Variants in TMC5 observed in about 807,000 individuals in gnomAD.
TMC5 encodes transmembrane channel like 5, also known as transmembrane channel-like protein 5.
TMC5 carries 86 observed loss-of-function variants against 110.5 expected under a neutral mutation model. That is an observed-to-expected ratio of 0.78 (90% CI 0.65 to 0.93). The LOEUF (loss-of-function observed/expected upper bound fraction) is 0.93. TMC5 is among the 40% of genes least tolerant of loss of function. The pLI is 0.00. For missense variants in TMC5, 1,144 were observed against 1,222.8 expected, an observed-to-expected ratio of 0.94 and a Z score of 0.96; for synonymous variants, 455 against 439.5, an observed-to-expected ratio of 1.04 and a Z score of -0.44.
chr16:19,472,923 T>C (rs535038354), intron 11 of TMC5, among the ~76,000 whole-genome samples: 31 of 152,146 alleles, frequency 2.0e-4, no homozygotes, highest in Admixed American at 9.2e-4. Context: ...GATAAATTCA[T>C]TGGAATCCCT....
intron 2 of TMC5, among the ~76,000 whole-genome samples, chr16:19,432,954 GAATA>G (rs1368696073): frequency 5.8e-5 from 6 of 103,930 alleles, no homozygotes; most frequent in Non-Finnish European, 8.7e-5. Flanking sequence ...ATGTAGATAT[GAATA>G]AATATATACA....
chr16:19,447,822 G>A (rs185648706), intron 4 of TMC5, among the ~76,000 whole-genome samples: 4 of 151,928 alleles, frequency 2.6e-5, no homozygotes, highest in Admixed American at 6.6e-5. Flanking sequence ...CCAAAGTGCC[G>A]AAATTACAGG....
At chr16:19,457,157 A>T in intron 5 of TMC5, 1 of 690,812 alleles carries the variant, frequency 1.4e-6, no homozygotes, top group South Asian at 2.0e-5. Flanking sequence ...TGGGAGGCCA[A>T]GATAAGAGGA....
In TMC5 at chr16:19,440,808, C is replaced by T. The variant is rs1279356326; in HGVS notation, c.770C>T (p.Thr257Ile). The change falls in exon 3 of 22, where the codon ACC (threonine) becomes ATC (isoleucine). Residue 257 changes from threonine (T) to isoleucine (I), a missense_variant. Physicochemically the swap from Thr to Ile is moderately conservative, Grantham distance 89. Transcript: ENST00000542583. ...ENGHDYGSSE[T>I]PKMTRGVLSR... ...GGTCATGATTATGGCTCTTCTGAGA[C>T]CCCAAAGATGACCAGGGGGTAAGTT... 1.2e-6 allele frequency: 2 copies of T among 1,612,954 alleles called. No individual in the cohort carries two copies. Among genetic ancestry groups the T allele is most frequent in the Admixed American group, 1.7e-5 (1 of 59,960 alleles).
intron 1 of TMC5, among the ~76,000 whole-genome samples, chr16:19,420,438 TAAAA>T (rs1294200981): frequency 4.1e-5 from 6 of 147,624 alleles, no homozygotes; most frequent in Non-Finnish European, 9.0e-5. Flanking sequence ...AAAAAAAAAA[TAAAA>T]AAAATTAAAA....
intron 6 of TMC5, among the ~76,000 whole-genome samples, chr16:19,461,640 A>T (rs1427788568): frequency 6.6e-6 from 1 of 152,210 alleles, no homozygotes; most frequent in African/African-American, 2.4e-5. Flanking sequence ...TTATAAGCTC[A>T]GGAATTCAAA....
intron 8 of TMC5, among the ~76,000 whole-genome samples, chr16:19,464,642 T>C (rs1044996489): frequency 2.0e-5 from 3 of 152,202 alleles, no homozygotes; most frequent in Admixed American, 1.3e-4. Flanking sequence ...CAACTTGCTT[T>C]TTTTTTACTT....
intron 7 of TMC5, 87 bp downstream of exon 7, chr16:19,463,454 C>G (rs574722018): frequency 3.5e-6 from 4 of 1,148,198 alleles, no homozygotes; most frequent in Admixed American, 3.5e-5. Context: ...GGAAGATGAA[C>G]CAAAAATCAG....
At chr16:19,424,113 TA>T (rs1410855766) in intron 1 of TMC5, among the ~76,000 whole-genome samples, 1 of 152,138 alleles carries the variant, frequency 6.6e-6, no homozygotes, top group African/African-American at 2.4e-5. Flanking sequence ...ACCCACAGGT[TA>T]AGGGCTCAGC....
intron 1 of TMC5, among the ~76,000 whole-genome samples, chr16:19,421,163 G>C (rs1332733001): frequency 1.3e-5 from 2 of 152,152 alleles, no homozygotes; most frequent in Non-Finnish European, 2.9e-5. Flanking sequence ...CAGTAATTGT[G>C]ATCCTGTCTG....
intron 8 of TMC5, 32 bp downstream of exon 8, chr16:19,464,056 A>G: frequency 6.2e-7 from 1 of 1,604,966 alleles, no homozygotes; most frequent in Non-Finnish European, 8.5e-7. Context: ...CCCCAAGTGC[A>G]CCAATCACCT....
intron 5 of TMC5, among the ~76,000 whole-genome samples, chr16:19,459,388 A>G (rs1477806625): frequency 6.6e-6 from 1 of 152,182 alleles, no homozygotes; most frequent in Non-Finnish European, 1.5e-5. Context: ...AGGAGGGTGT[A>G]CTTCTAGGAA....
chr16:19,451,675 A>G (rs1226870100), intron 5 of TMC5, among the ~76,000 whole-genome samples: 1 of 152,086 alleles, frequency 6.6e-6, no homozygotes, highest in Non-Finnish European at 1.5e-5. Context: ...GGTATCCTCC[A>G]ATTCAATTCT....
intron 9 of TMC5, among the ~76,000 whole-genome samples, chr16:19,468,067 C>T (rs977440690): frequency 1.3e-5 from 2 of 152,048 alleles, no homozygotes; most frequent in African/African-American, 2.4e-5. Flanking sequence ...CTCCGCTTCT[C>T]GGGTTCAAGT....
rs1310633724 is a variant in TMC5, at chr16:19,444,097, T to C, written c.805T>C (p.Ser269Pro). 1.2e-6 allele frequency: 2 copies of C among 1,613,874 alleles called. No homozygotes were observed. Among genetic ancestry groups the C allele is most frequent in the African/African-American group, 2.7e-5 (2 of 74,912 alleles). ...KMTRGVLSRT[S>P]SIQPSFRHRS... The stretch of plus-strand genomic sequence containing the variant: ...GGATTTTAGGGTGCTCAGCAGAACA[T>C]CTTCAATCCAGCCCTCATTTCGTCA... Residue 269 changes from serine (S) to proline (P), a missense_variant, in exon 4 of 22, where the codon TCT (serine) becomes CCT (proline). Transcript: ENST00000542583.
In TMC5 at chr16:19,423,018, C is replaced by A. The variant is rs184203292; in HGVS notation, c.-308+4926C>A. ...ATGTGCCTGTGTTGCCAGCTACTCA[C>A]GAGGCTGAGGCAGGAGGATCGATGG... On this transcript the variant is annotated intron_variant, in intron 1 of 21. Coordinates refer to ENST00000542583, the MANE Select transcript of TMC5 (RefSeq NM_001261841.2). Among the ~76,000 whole-genome samples, 20 of 152,050 alleles carry A rather than the reference C, an allele frequency of 1.3e-4. No individual in the cohort carries two copies. In the East Asian group the frequency reaches 3.9e-3, roughly 29 times the overall value.
rs556319369 is a variant in TMC5 at position 19,499,062 on chromosome 16, A to AAAT, written c.*1098_*1099insTAA. Reference sequence around the variant, plus strand: ...GGCAACAGTGAGACTCTGCCTCAAAAAAATAAATAAATAAATAAATAAAGT... The same window carrying AAAT: ...GGCAACAGTGAGACTCTGCCTCAAAAAATAAATAAATAAATAAATAAATAAAGT... On this transcript the variant is annotated 3_prime_UTR_variant, in exon 22 of 22. Coordinates refer to ENST00000542583, the MANE Select transcript of TMC5 (RefSeq NM_001261841.2). 2 of 151,014 alleles carry AAAT rather than the reference A, an allele frequency of 1.3e-5. No homozygotes were observed. Among genetic ancestry groups the AAAT allele is most frequent in the African/African-American group, 4.9e-5 (2 of 41,046 alleles). 9.4% of individuals were successfully genotyped at this position (151,014 alleles called of 1,614,324 possible).
chr16:19,492,915 G>T lies in TMC5; in HGVS notation c.2826+687G>T, dbSNP rs868124372. 4.9e-3 allele frequency among the ~76,000 whole-genome samples: 206 copies of T among 42,428 alleles called. 2 individuals are homozygous for T. Among genetic ancestry groups the T allele is most frequent in the South Asian group, 0.016 (13 of 822 alleles). The allele number at this position is 42,428 out of a possible 152,430, so 27.8% of individuals were successfully genotyped here. A position where few individuals can be genotyped will look rare whatever the true frequency, so the allele number is the denominator to read the frequency against. ...ATTATTTTTTATTTATTAAAACTTAGATATATATATATATATATCTCTCTA... is the reference window on the plus strand; with the variant it reads ...ATTATTTTTTATTTATTAAAACTTATATATATATATATATATATCTCTCTA... On this transcript the variant is annotated intron_variant, in intron 19 of 21. Transcript: ENST00000542583.
chr16:19,481,231 C>A, intron 14 of TMC5, 139 bp from the exon 15 acceptor site: 1 of 656,854 alleles, frequency 1.5e-6, no homozygotes, highest in South Asian at 1.9e-5. Context: ...AGATTTAGAA[C>A]TTTTGAAAAA....
Sources: gnomAD v4.1 joint callset for allele counts (sites outside exome capture counted in the v4.1 genomes callset) on GRCh38, gnomAD v4.1.1 for gene constraint, MANE v1.5 for transcripts, NCBI Gene and HGNC (gene_info 2026-07-23, HGNC 2026-07-21) for gene names.